Variants in CDH4 observed in about 807,000 individuals in gnomAD.
The protein encoded by CDH4 is cadherin-4.
Under a neutral mutation model 86.0 loss-of-function variants are expected in CDH4, and 33 were observed. The ratio of observed to expected loss-of-function variants is 0.38; its 90% CI spans 0.29 to 0.51. The LOEUF is 0.51. Ranked by LOEUF, CDH4 falls within the 20% of genes least tolerant of loss-of-function variation. CDH4 has a pLI of 0.86. For missense variants in CDH4, 1,114 were observed against 1,307.4 expected, an observed-to-expected ratio of 0.85 and a Z score of 2.28; for synonymous variants, 555 against 549.4, an observed-to-expected ratio of 1.01 and a Z score of -0.14.
chr20:61,395,817 T>A (rs11699486), intron 2 of CDH4, among the ~76,000 whole-genome samples: 22,725 of 152,178 alleles, frequency 0.15, 1,995 homozygotes, highest in East Asian at 0.28. Context: ...ACTTAGGTTT[T>A]AAAGGGCTTG....
At chr20:61,723,985 TAGGTCCCCATGCAG>T (rs2088078581) in intron 2 of CDH4, among the ~76,000 whole-genome samples, 7 of 60,062 alleles carry the variant, frequency 1.2e-4, no homozygotes, top group Non-Finnish European at 2.4e-4. Context: ...GGCAGGGGGG[TAGGTCCCCATGCAG>T]GGGGCACAGG....
chr20:61,863,686 GCA>G lies in CDH4; in HGVS notation c.878-10040_878-10039del, dbSNP rs1600720664. Among the ~76,000 whole-genome samples, 7 of 152,320 alleles carry G rather than the reference GCA, an allele frequency of 4.6e-5. No individual in the cohort carries two copies. The East Asian group carries it at 1.4e-3, about 29-fold the overall frequency. ...TCCCACTTCCCAGACACCAGAGCCA[GCA>G]CTGCTTACAGCACAGGAAGGAGGCC... On this transcript the variant is annotated intron_variant, in intron 6 of 15. Coordinates refer to ENST00000614565, the MANE Select transcript of CDH4 (RefSeq NM_001794.5).
chr20:61,690,395 ACT>A (rs1296335555), intron 2 of CDH4, among the ~76,000 whole-genome samples: 1 of 151,976 alleles, frequency 6.6e-6, no homozygotes, highest in Non-Finnish European at 1.5e-5. Flanking sequence ...TCAAAGACCA[ACT>A]CTGAGTCCAT....
rs1270394320 is a variant in CDH4, at chr20:61,392,052, C to G, written c.169+137115C>G. 6.6e-6 allele frequency among the ~76,000 whole-genome samples: 1 copy of G among 152,062 alleles called. No homozygotes were observed. The highest frequency in any genetic ancestry group is 6.5e-5 in the Admixed American group (1 of 15,282). On this transcript the variant is annotated intron_variant, in intron 2 of 15. Transcript: ENST00000614565. The surrounding 1 kb of genome is among the most constrained non-coding windows in gnomAD (Gnocchi z 5.7). ...CTACTTCTCAACCCTTCCCCCGCCT[C>G]GCTTGCCGTGGGTTTCAGCATCGCG...
intron 2 of CDH4, among the ~76,000 whole-genome samples, chr20:61,710,031 C>T (rs2087872968): frequency 6.6e-6 from 1 of 152,078 alleles, no homozygotes; most frequent in Admixed American, 6.6e-5. Flanking sequence ...GATGTTCTTC[C>T]CCTGTCCGTG....
At chr20:61,291,382 A>G (rs888252679) in intron 2 of CDH4, among the ~76,000 whole-genome samples, 1 of 152,218 alleles carries the variant, frequency 6.6e-6, no homozygotes. Flanking sequence ...AGAACTCAAG[A>G]CAGTACCGTG....
At chr20:61,863,651 G>A (rs1466689648) in intron 6 of CDH4, among the ~76,000 whole-genome samples, 1 of 152,164 alleles carries the variant, frequency 6.6e-6, no homozygotes, top group South Asian at 2.1e-4. Flanking sequence ...GGGGACACGG[G>A]GATCCAGGTT....
rs575264773 is a variant in CDH4 at position 61,929,696 on chromosome 20, C to T, written c.2093C>T (p.Pro698Leu). 90 of 1,614,056 alleles carry T rather than the reference C, an allele frequency of 5.6e-5. No individual in the cohort carries two copies. The highest frequency in any genetic ancestry group is 7.0e-5 in the Non-Finnish European group (83 of 1,180,042). ...VPIIVTDSGN[P>L]PLSNTSIIKV... ...ATCATCGTCACAGACTCTGGAAACC[C>T]TCCCCTGTCCAACACGTCCATCATC... The change falls in exon 13 of 16, where the codon CCT becomes CTT. Residue 698 changes from proline (P) to leucine (L), a missense_variant. Physicochemically the swap from Pro to Leu is moderately conservative, Grantham distance 98. Coordinates refer to ENST00000614565, the MANE Select transcript of CDH4 (RefSeq NM_001794.5).
At chr20:61,705,613 T>C (rs1015922688) in intron 2 of CDH4, among the ~76,000 whole-genome samples, 1 of 151,986 alleles carries the variant, frequency 6.6e-6, no homozygotes, top group Non-Finnish European at 1.5e-5. Flanking sequence ...TCATGGGACT[T>C]CCTCTGGCCC....
intron 2 of CDH4, among the ~76,000 whole-genome samples, chr20:61,618,157 C>T (rs115489067): frequency 4.0e-3 from 602 of 152,176 alleles, no homozygotes; most frequent in African/African-American, 0.014. Context: ...AATACAGGGC[C>T]GGTGCTGGCC....
At chr20:61,679,580 G>A (rs2087486058) in intron 2 of CDH4, among the ~76,000 whole-genome samples, 1 of 152,222 alleles carries the variant, frequency 6.6e-6, no homozygotes, top group African/African-American at 2.4e-5. Flanking sequence ...GGGGATGTCA[G>A]GGTCCTCTCC....
intron 2 of CDH4, among the ~76,000 whole-genome samples, chr20:61,431,388 C>G (rs2085245805): frequency 1.5e-5 from 2 of 129,760 alleles, no homozygotes; most frequent in East Asian, 2.2e-4. Flanking sequence ...GAGACAGGGT[C>G]TTGCTATGTT....
chr20:61,626,276 G>A (rs2086829377), intron 2 of CDH4, among the ~76,000 whole-genome samples: 1 of 152,180 alleles, frequency 6.6e-6, no homozygotes, highest in East Asian at 1.9e-4. Context: ...AGAGCAGAGG[G>A]AATCAGCTGG....
chr20:61,593,895 C>T (rs924047387), intron 2 of CDH4, among the ~76,000 whole-genome samples: 3 of 151,038 alleles, frequency 2.0e-5, no homozygotes, highest in Admixed American at 6.6e-5. Context: ...CAGCACCTCC[C>T]GGGCAGGGAT....
intron 2 of CDH4, among the ~76,000 whole-genome samples, chr20:61,537,444 C>T (rs1267792644): frequency 6.6e-6 from 1 of 152,146 alleles, no homozygotes; most frequent in Non-Finnish European, 1.5e-5. Context: ...CAGGGAGGCC[C>T]AGGCCAGCTC....
chr20:61,621,509 C>A (rs1469925846), intron 2 of CDH4, among the ~76,000 whole-genome samples: 2 of 152,170 alleles, frequency 1.3e-5, no homozygotes, highest in Non-Finnish European at 2.9e-5. Context: ...TGCAGTCAAT[C>A]AGAGTAACAA....
intron 4 of CDH4, among the ~76,000 whole-genome samples, chr20:61,819,256 C>A (rs948798588): frequency 6.6e-6 from 1 of 152,206 alleles, no homozygotes; most frequent in Non-Finnish European, 1.5e-5. Flanking sequence ...CAGAAGCCAC[C>A]GCAGGGCAGC....
intron 2 of CDH4, among the ~76,000 whole-genome samples, chr20:61,620,875 C>T (rs1825914232): frequency 6.6e-6 from 1 of 152,224 alleles, no homozygotes; most frequent in Admixed American, 6.5e-5. Context: ...CCCATTTTCC[C>T]AGCGCCTCCA....
intron 4 of CDH4, among the ~76,000 whole-genome samples, chr20:61,795,929 C>T (rs570088186): frequency 3.9e-5 from 6 of 152,270 alleles, no homozygotes; most frequent in East Asian, 1.9e-4. Flanking sequence ...CCTGAGAGTA[C>T]GAGAACCTTT....
Sources: gnomAD v4.1 joint callset for allele counts (sites outside exome capture counted in the v4.1 genomes callset) on GRCh38, gnomAD v4.1.1 for gene constraint, Gnocchi (gnomAD v3.1) non-coding constraint, MANE v1.5 for transcripts, NCBI Gene and HGNC (gene_info 2026-07-23, HGNC 2026-07-21) for gene names.